The following BCAS1 variants were observed in gnomAD, a reference collection of about 807,000 sequenced individuals.
BCAS1 encodes the protein brain enriched myelin associated protein 1.
In BCAS1, 46 loss-of-function variants were observed where a neutral mutation model predicts 65.4. That is an observed-to-expected ratio of 0.70 (90% CI 0.55 to 0.90). The LOEUF (loss-of-function observed/expected upper bound fraction) is 0.90, where lower values mean the gene tolerates loss of function less well. BCAS1 is among the 40% of genes least tolerant of loss of function. The probability of loss-of-function intolerance (pLI) is 0.00; values close to 1 mark genes in which losing one functional copy is unlikely to be tolerated. For synonymous variants in BCAS1, 298 were observed against 293.5 expected, an observed-to-expected ratio of 1.02 and a Z score of -0.16; for missense variants, 793 against 771.2, an observed-to-expected ratio of 1.03 and a Z score of -0.33.
intron 1 of BCAS1, among the ~76,000 whole-genome samples, chr20:54,061,401 C>T (rs187468096): frequency 6.6e-6 from 1 of 152,302 alleles, no homozygotes; most frequent in East Asian, 1.9e-4. Flanking sequence ...TGTCTTGCCA[C>T]CTAAAGTTCT....
chr20:54,053,344 C>G (rs887235974), intron 3 of BCAS1, among the ~76,000 whole-genome samples: 2 of 152,146 alleles, frequency 1.3e-5, no homozygotes, highest in Non-Finnish European at 2.9e-5. Context: ...TTTGCTCTTA[C>G]TAAGAAAAAG....
intron 8 of BCAS1, among the ~76,000 whole-genome samples, chr20:53,979,250 C>T (rs1480383753): frequency 1.3e-5 from 2 of 152,096 alleles, no homozygotes; most frequent in Non-Finnish European, 2.9e-5. Flanking sequence ...AAGAAATGGA[C>T]CCTAGCAAGA....
At position 53,944,620 on chromosome 20, in the gene BCAS1, T is replaced by A. The variant is rs565017352; in HGVS notation, c.*302A>T. ...CACCACGCCCGGCCACCACTGCCAT[T>A]TTCATCACTTAACCCGAACACATTC... On this transcript the variant is annotated 3_prime_UTR_variant, in exon 13 of 13. Coordinates refer to ENST00000688948, the MANE Select transcript of BCAS1 (RefSeq NM_001366298.2). The A allele has an allele frequency of 6.7e-6, 2 of 300,298 alleles. No individual in the cohort carries two copies. Among genetic ancestry groups the A allele is most frequent in the South Asian group, 8.3e-5 (2 of 23,978 alleles). 18.6% of individuals were successfully genotyped at this position (300,298 alleles called of 1,614,324 possible). A position where few individuals can be genotyped will look rare whatever the true frequency, so the allele number is the denominator to read the frequency against.
In BCAS1 at chr20:54,024,329, G is replaced by A. The variant is rs117231866; in HGVS notation, c.723+4063C>T. Among the ~76,000 whole-genome samples the A allele has an allele frequency of 7.3e-4, 111 of 152,312 alleles. 3 individuals carry two copies. The East Asian group carries it at 0.015, about 21-fold the overall frequency. ...ACAGGATGAACTTGTCATTCACTGA[G>A]ATGGAAAACCCCGTGAATTAAACTG... is the stretch of plus-strand genomic sequence containing the variant. On this transcript the variant is annotated intron_variant, in intron 4 of 12. Transcript: ENST00000688948.
intron 1 of BCAS1, among the ~76,000 whole-genome samples, chr20:54,060,518 C>T (rs892989941): frequency 1.1e-4 from 17 of 149,498 alleles, no homozygotes; most frequent in Admixed American, 2.7e-4. Flanking sequence ...GATGGGTTTT[C>T]ACCATGTTGG....
In BCAS1 at chr20:54,025,864, C is replaced by A. The variant is rs569201443; in HGVS notation, c.723+2528G>T. 1.2e-3 allele frequency among the ~76,000 whole-genome samples: 180 copies of A among 152,140 alleles called. 2 individuals are homozygous for A. Among genetic ancestry groups the A allele is most frequent in the African/African-American group, 4.2e-3 (173 of 41,516 alleles). On this transcript the variant is annotated intron_variant, in intron 4 of 12. Coordinates refer to ENST00000688948, the MANE Select transcript of BCAS1 (RefSeq NM_001366298.2). The stretch of plus-strand genomic sequence containing the variant: ...ACAATTGCTTTTTTCCCCCTAAATA[C>A]AGAACTATGCAGCCGGGAGTCAGAA...
intron 4 of BCAS1, among the ~76,000 whole-genome samples, chr20:54,014,388 C>T (rs531944023): frequency 5.9e-5 from 9 of 152,252 alleles, no homozygotes; most frequent in African/African-American, 1.2e-4. Context: ...AAAATAATGC[C>T]GCCTTATCAT....
At chr20:54,062,829 C>G (rs548622821) in intron 1 of BCAS1, among the ~76,000 whole-genome samples, 23 of 152,342 alleles carry the variant, frequency 1.5e-4, no homozygotes, top group African/African-American at 5.3e-4. Flanking sequence ...TATTGTCACT[C>G]TCCACCAGCA....
intron 3 of BCAS1, among the ~76,000 whole-genome samples, chr20:54,039,413 G>C (rs575129887): frequency 6.6e-6 from 1 of 151,454 alleles, no homozygotes; most frequent in South Asian, 2.1e-4. Context: ...TTTAGTGATG[G>C]AAATGCTGGA....
chr20:53,970,791 C>T (rs1935934797), intron 9 of BCAS1, among the ~76,000 whole-genome samples: 1 of 152,102 alleles, frequency 6.6e-6, no homozygotes, highest in East Asian at 1.9e-4. Flanking sequence ...TGATTTATGG[C>T]AAATAGATTT....
In BCAS1 at chr20:54,029,212, C is replaced by G. The variant is rs2091748788; in HGVS notation, c.143-240G>C. 3 of 985,180 alleles carry G rather than the reference C, an allele frequency of 3.0e-6. No homozygotes were observed. The South Asian group carries it at 1.4e-4, about 46-fold the overall frequency. 61.0% of individuals were successfully genotyped at this position (985,180 alleles called of 1,614,324 possible). A position where few individuals can be genotyped will look rare whatever the true frequency, so the allele number is the denominator to read the frequency against. On this transcript the variant is annotated intron_variant, in intron 3 of 12. Coordinates refer to ENST00000688948, the MANE Select transcript of BCAS1 (RefSeq NM_001366298.2). ...CTACTTAATGGAAAGTCACTAGCTG[C>G]CAGGTGTGGAATGAGTGATATTCAA...
At position 53,992,519 on chromosome 20, in the gene BCAS1, C is replaced by G. The variant is rs1357414654; in HGVS notation, c.1055G>C (p.Arg352Thr). 1 of 1,365,498 alleles carries G rather than the reference C, an allele frequency of 7.3e-7. No homozygotes were observed. The highest frequency in any genetic ancestry group is 9.8e-7 in the Non-Finnish European group (1 of 1,021,708). 84.6% of individuals were successfully genotyped at this position (1,365,498 alleles called of 1,614,324 possible). A position where few individuals can be genotyped will look rare whatever the true frequency, so the allele number is the denominator to read the frequency against. The stretch of plus-strand genomic sequence containing the variant: ...CTTTAATAAGATACAGACCTTATGC[C>G]TAAAGAATTTTCTAAAGGCGAGTCC... ...RLGLAFRKFF[R>T]HKGAEKSPTT... The change falls in exon 7 of 13, where the codon AGG (arginine) becomes ACG (threonine). Residue 352 changes from arginine (R) to threonine (T), a missense_variant. Arg to Thr is a moderately conservative substitution (Grantham distance 71). Coordinates refer to ENST00000688948, the MANE Select transcript of BCAS1 (RefSeq NM_001366298.2).
chr20:54,026,196 A>G (rs776561935), intron 4 of BCAS1, among the ~76,000 whole-genome samples: 2 of 152,234 alleles, frequency 1.3e-5, no homozygotes, highest in East Asian at 1.9e-4. Flanking sequence ...AGAGATCATT[A>G]TAACTTGAAA....
chr20:53,994,288 G>A (rs186654577), intron 6 of BCAS1, among the ~76,000 whole-genome samples: 273 of 152,324 alleles, frequency 1.8e-3, no homozygotes, highest in African/African-American at 6.4e-3. Context: ...CTTAAACCGT[G>A]TATTCCACTA....
intron 4 of BCAS1, among the ~76,000 whole-genome samples, chr20:54,022,220 G>A (rs993234085): frequency 6.6e-6 from 1 of 152,058 alleles, no homozygotes; most frequent in Non-Finnish European, 1.5e-5. Flanking sequence ...CCTACCTCTA[G>A]GGTTCTTTTT....
At position 54,043,994 on chromosome 20, in the gene BCAS1, C is replaced by T. The variant is rs115901656; in HGVS notation, c.142+14091G>A. Among the ~76,000 whole-genome samples the T allele has an allele frequency of 3.0e-3, 454 of 152,266 alleles. 2 individuals are homozygous for T. The highest frequency in any genetic ancestry group is 0.01 in the African/African-American group (431 of 41,560). ...TTGATAAACTTCCAGAAACTTGAAG[C>T]GCACCTTACCATTTCTTTGATCTCG... On this transcript the variant is annotated intron_variant, in intron 3 of 12. Coordinates refer to ENST00000688948, the MANE Select transcript of BCAS1 (RefSeq NM_001366298.2).
chr20:53,967,443 A>G (rs1600730095), intron 9 of BCAS1, among the ~76,000 whole-genome samples: 1 of 152,216 alleles, frequency 6.6e-6, no homozygotes, highest in Admixed American at 6.5e-5. Context: ...ACCAGGAATA[A>G]TCATTTTCTT....
chr20:53,946,323 C>T (rs552209957), intron 12 of BCAS1, among the ~76,000 whole-genome samples: 1 of 151,970 alleles, frequency 6.6e-6, no homozygotes, highest in Admixed American at 6.5e-5. Flanking sequence ...TAGAGTTCTG[C>T]CTTTGCCAGG....
chr20:53,959,342 C>G (rs867852197), intron 10 of BCAS1, among the ~76,000 whole-genome samples: 2 of 152,102 alleles, frequency 1.3e-5, no homozygotes, highest in Middle Eastern at 3.4e-3. Context: ...CAGCTTCTGC[C>G]TCCCAGGTTC....
Sources: allele counts gnomAD v4.1 joint callset (sites outside exome capture counted in the v4.1 genomes callset), GRCh38; gene constraint gnomAD v4.1.1; transcripts MANE v1.5; gene names NCBI Gene and HGNC (gene_info 2026-07-23, HGNC 2026-07-21).